CAPN9: variants seen among roughly 807,000 people sequenced by gnomAD.
The protein encoded by CAPN9 is calpain 9.
CAPN9 carries 81 observed loss-of-function variants against 92.8 expected under a neutral mutation model. That is an observed-to-expected ratio of 0.87 (90% CI 0.73 to 1.05). The LOEUF (loss-of-function observed/expected upper bound fraction) is 1.05. Among genes scored for constraint, CAPN9 ranks in the 50% least tolerant of loss-of-function variants. The probability of loss-of-function intolerance (pLI) is 0.00; values close to 1 mark genes in which losing one functional copy is unlikely to be tolerated. For missense variants in CAPN9, 848 were observed against 866.2 expected (o/e 0.98, Z 0.26); for synonymous variants, 304 against 328.0 (o/e 0.93, Z 0.79).
chr1:230,759,334 G>A (rs1035263993), intron 2 of CAPN9, among the ~76,000 whole-genome samples, 178 bp from the exon 3 acceptor site: 1 of 152,220 alleles, frequency 6.6e-6, no homozygotes, highest in Non-Finnish European at 1.5e-5. Flanking sequence ...GCAGAGAAGA[G>A]CAGGCAAGGG....
chr1:230,776,015 G>A (rs1053128047), intron 8 of CAPN9: 3 of 151,366 alleles, frequency 2.0e-5, no homozygotes, highest in African/African-American at 7.3e-5. Flanking sequence ...GATTTGTTCT[G>A]CCTTCTGTAT....
intron 11 of CAPN9, among the ~76,000 whole-genome samples, chr1:230,782,417 G>C (rs1325702384): frequency 6.6e-6 from 1 of 152,118 alleles, no homozygotes; most frequent in Non-Finnish European, 1.5e-5. Flanking sequence ...ATGTTTATTT[G>C]TATTCCCTTT....
chr1:230,798,357 T>A (rs1292048072), intron 19 of CAPN9, 137 bp downstream of exon 19: 1 of 637,084 alleles, frequency 1.6e-6, no homozygotes, highest in Non-Finnish European at 2.8e-6. Flanking sequence ...ACAAAATAGC[T>A]AATATTTTTG....
At position 230,791,947 on chromosome 1, in the gene CAPN9, G is replaced by C. The variant is rs749126730; in HGVS notation, c.1722+19G>C. ...GATGGACGTATCCTTCCAAATATTT[G>C]AGCAGAAATAGACATGGATCCTGGG... On this transcript the variant is annotated intron_variant, in intron 15 of 19. Transcript: ENST00000271971. 17 of 1,582,376 alleles carry C rather than the reference G, an allele frequency of 1.1e-5. No homozygotes were observed. The highest frequency in any genetic ancestry group is 1.7e-5 in the Admixed American group (1 of 59,968).
chr1:230,780,233 G>C lies in CAPN9; in HGVS notation c.1169G>C (p.Gly390Ala), dbSNP rs1343143540. Reference sequence around the variant, plus strand: ...TTGTCTCTGACTGAGAAAGATGAGGGGCAGGAGGAGTGTAGTTTCCTTGTA... The same window carrying C: ...TTGTCTCTGACTGAGAAAGATGAGGCGCAGGAGGAGTGTAGTTTCCTTGTA... ...IKLSLTEKDE[G>A]QEECSFLVAL... Residue 390 changes from glycine to alanine, a missense_variant, in exon 10 of 20, where the codon GGG becomes GCG. Physicochemically the swap from Gly to Ala is moderately conservative, Grantham distance 60. Coordinates refer to ENST00000271971, the MANE Select transcript of CAPN9 (RefSeq NM_006615.3). 1 of 1,613,720 alleles carries C rather than the reference G, an allele frequency of 6.2e-7. No homozygotes were observed. The highest frequency in any genetic ancestry group is 8.5e-7 in the Non-Finnish European group (1 of 1,179,830).
rs28359601 is a variant in CAPN9 at position 230,756,242 on chromosome 1, A to G, written c.283+836A>G. On this transcript the variant is annotated intron_variant, in intron 2 of 19. Transcript: ENST00000271971. ...ATGCTGAGCAACTGAGCTATCCTAA[A>G]CACAAGATCCAAAGTCACAAACCTA... 3.8e-3 allele frequency among the ~76,000 whole-genome samples: 574 copies of G among 152,212 alleles called. 7 individuals carry two copies. The highest frequency in any genetic ancestry group is 0.013 in the African/African-American group (547 of 41,530).
At chr1:230,778,247 G>A (rs999379246) in intron 8 of CAPN9, among the ~76,000 whole-genome samples, 1 of 152,072 alleles carries the variant, frequency 6.6e-6, no homozygotes, top group Non-Finnish European at 1.5e-5. Context: ...CCTTTGGAAT[G>A]TGTCTCAAAT....
At chr1:230,749,487 G>C (rs1416452070) in intron 1 of CAPN9, among the ~76,000 whole-genome samples, 3 of 152,224 alleles carry the variant, frequency 2.0e-5, no homozygotes, top group African/African-American at 7.2e-5. Flanking sequence ...GCTGCAGGCT[G>C]TGGGTGCATT....
chr1:230,766,183 A>G (rs181083667), intron 4 of CAPN9, among the ~76,000 whole-genome samples: 19 of 151,900 alleles, frequency 1.3e-4, no homozygotes, highest in Admixed American at 5.3e-4. Flanking sequence ...GCAGCCTGCA[A>G]CTCCTGGGCT....
chr1:230,795,970 C>T (rs1187602806), intron 18 of CAPN9, among the ~76,000 whole-genome samples: 1 of 151,422 alleles, frequency 6.6e-6, no homozygotes, highest in African/African-American at 2.4e-5. Flanking sequence ...TCCATTTTGT[C>T]CTGCTTGGTA....
At position 230,774,459 on chromosome 1, in the gene CAPN9, T is replaced by C. The variant is rs563875969; in HGVS notation, c.876-95T>C. 8.2e-6 allele frequency: 7 copies of C among 849,382 alleles called. No homozygotes were observed. In the East Asian group the frequency reaches 1.2e-4, roughly 15 times the overall value. The allele number at this position is 849,382 out of a possible 1,614,324, so 52.6% of individuals were successfully genotyped here. A position where few individuals can be genotyped will look rare whatever the true frequency, so the allele number is the denominator to read the frequency against. Reference sequence around the variant, plus strand: ...GTGAGTAGTTACTAAGCAGGTCTTATTTCCTCCATAACCGCACACTGTGGG... The same window carrying C: ...GTGAGTAGTTACTAAGCAGGTCTTACTTCCTCCATAACCGCACACTGTGGG... On this transcript the variant is annotated intron_variant, in intron 7 of 19. Coordinates refer to ENST00000271971, the MANE Select transcript of CAPN9 (RefSeq NM_006615.3).
chr1:230,790,515 G>A (rs1572085623), intron 14 of CAPN9, among the ~76,000 whole-genome samples: 2 of 152,308 alleles, frequency 1.3e-5, no homozygotes, highest in Non-Finnish European at 2.9e-5. Context: ...ATGTTAGAAT[G>A]TTTCATCACT....
chr1:230,769,669 CT>C (rs758721524), intron 6 of CAPN9, among the ~76,000 whole-genome samples: 90 of 123,808 alleles, frequency 7.3e-4, no homozygotes, highest in Non-Finnish European at 1.3e-3. Flanking sequence ...ATCTATCTAT[CT>C]ATCTATCTAT....
chr1:230,748,428 C>A lies in CAPN9; in HGVS notation c.213+719C>A, dbSNP rs528215517. Among the ~76,000 whole-genome samples the A allele has an allele frequency of 2.0e-5, 3 of 152,280 alleles. No homozygotes were observed. In the South Asian group the frequency reaches 6.2e-4, roughly 32 times the overall value. On this transcript the variant is annotated intron_variant, in intron 1 of 19. Transcript: ENST00000271971. ...CCATTCCCTCCAGGTGGGTACGGGC[C>A]TGGGAGTGGCTCCTGTGGGGTCCGG...
At chr1:230,783,965 G>A (rs1667402389) in intron 11 of CAPN9, among the ~76,000 whole-genome samples, 1 of 152,220 alleles carries the variant, frequency 6.6e-6, no homozygotes, top group East Asian at 1.9e-4. Flanking sequence ...GGGAACTGAA[G>A]CAAAGGTTAT....
Position 230,747,416 on chromosome 1 carries a change from C to T in CAPN9, c.-81C>T. On this transcript the variant is annotated 5_prime_UTR_variant, in exon 1 of 20. Transcript: ENST00000271971. ...CCAGTGGCCCTCTGAGCTGTTCCTT[C>T]TTGACCGGCACACACAGCTCGCTTC... 2.3e-6 allele frequency: 3 copies of T among 1,285,832 alleles called. No homozygotes were observed. Among genetic ancestry groups the T allele is most frequent in the Non-Finnish European group, 3.4e-6 (3 of 884,746 alleles). The allele number at this position is 1,285,832 out of a possible 1,614,324, so 79.7% of individuals were successfully genotyped here.
intron 7 of CAPN9, among the ~76,000 whole-genome samples, chr1:230,772,760 T>C (rs1376920398): frequency 6.6e-6 from 1 of 151,696 alleles, no homozygotes; most frequent in Non-Finnish European, 1.5e-5. Context: ...TTTTTTTTTT[T>C]TTAAAGGAAA....
chr1:230,800,205 GAAAA>G (rs1239522451), intron 19 of CAPN9, among the ~76,000 whole-genome samples: 1 of 103,730 alleles, frequency 9.6e-6, no homozygotes, highest in Non-Finnish European at 2.1e-5. Flanking sequence ...GGAAAAGAAA[GAAAA>G]GAAAGAAAAA....
intron 18 of CAPN9, among the ~76,000 whole-genome samples, chr1:230,797,574 G>A (rs1035235535): frequency 1.4e-4 from 21 of 152,112 alleles, no homozygotes; most frequent in African/African-American, 4.6e-4. Context: ...AAAGCTACCC[G>A]AGAGATTCTC....
Sources: allele counts gnomAD v4.1 joint callset (sites outside exome capture counted in the v4.1 genomes callset), GRCh38; gene constraint gnomAD v4.1.1; transcripts MANE v1.5; gene names NCBI Gene and HGNC (gene_info 2026-07-23, HGNC 2026-07-21).